Variants in MYBPC1 observed in about 807,000 individuals in gnomAD.
MYBPC1 encodes the protein myosin binding protein C1, also known as myosin-binding protein C, slow-type.
Under a neutral mutation model 147.1 loss-of-function variants are expected in MYBPC1, and 52 were observed. The observed-to-expected ratio is 0.35, with a 90% CI of 0.28 to 0.45. MYBPC1 has a LOEUF of 0.45. Among genes scored for constraint, MYBPC1 ranks in the 20% least tolerant of loss-of-function variants. MYBPC1 has a pLI of 1.00. For missense variants in MYBPC1, 1,228 were observed against 1,440.3 expected, an observed-to-expected ratio of 0.85 and a Z score of 2.39; for synonymous variants, 477 against 475.9, an observed-to-expected ratio of 1.00 and a Z score of -0.03.
Position 101,614,532 on chromosome 12 carries a change from G to A in MYBPC1, c.61+1G>A, listed in dbSNP as rs770785373. The A allele has an allele frequency of 3.7e-6, 6 of 1,613,584 alleles. No homozygotes were observed. The highest frequency in any genetic ancestry group is 3.4e-6 in the Non-Finnish European group (4 of 1,179,866). ...CCAGCCCCAGCCCCACCCCCGGAAGGTGAGTAAAAACACTCACTCACACAC... is the reference window on the plus strand; with the variant it reads ...CCAGCCCCAGCCCCACCCCCGGAAGATGAGTAAAAACACTCACTCACACAC... On this transcript the variant is annotated splice_donor_variant, in intron 2 of 31. Transcript: ENST00000361466. LOFTEE classifies it high-confidence loss of function.
rs1594082634 is a variant in MYBPC1, at chr12:101,680,231, A to T, written c.3247-112A>T. 26 of 1,022,434 alleles carry T rather than the reference A, an allele frequency of 2.5e-5. No individual in the cohort carries two copies. In the East Asian group the frequency reaches 5.7e-4, roughly 22 times the overall value. The allele number at this position is 1,022,434 out of a possible 1,614,324, so 63.3% of individuals were successfully genotyped here. ...TCAAGTAAAAGTCTATCCTTCTCAG[A>T]TGCACTTTCTTTTTAAGCCATGCTT... On this transcript the variant is annotated intron_variant, in intron 28 of 31. Coordinates refer to ENST00000361466, the MANE Select transcript of MYBPC1 (RefSeq NM_002465.4).
intron 1 of MYBPC1, among the ~76,000 whole-genome samples, chr12:101,609,470 A>G (rs1883487357): frequency 6.6e-6 from 1 of 151,712 alleles, no homozygotes; most frequent in Non-Finnish European, 1.5e-5. Flanking sequence ...TTTTATGAAG[A>G]CAGGATTTCA....
intron 29 of MYBPC1, among the ~76,000 whole-genome samples, chr12:101,680,949 T>C (rs1472223895): frequency 1.3e-5 from 2 of 152,210 alleles, no homozygotes; most frequent in African/African-American, 4.8e-5. Context: ...TTTAATTAGT[T>C]TACTATTTTG....
chr12:101,654,460 A>G (rs1895161229), intron 18 of MYBPC1, among the ~76,000 whole-genome samples: 4 of 152,208 alleles, frequency 2.6e-5, no homozygotes, highest in Admixed American at 2.6e-4. Flanking sequence ...ATAAAAGAGT[A>G]TCCAGGCAGT....
intron 3 of MYBPC1, among the ~76,000 whole-genome samples, chr12:101,617,612 T>G (rs937858915): frequency 6.6e-6 from 1 of 152,106 alleles, no homozygotes; most frequent in Non-Finnish European, 1.5e-5. Flanking sequence ...AAATTAAATG[T>G]TTTCATGTTA....
At chr12:101,605,907 G>A (rs1046902142) in intron 1 of MYBPC1, among the ~76,000 whole-genome samples, 7 of 151,460 alleles carry the variant, frequency 4.6e-5, no homozygotes, top group Admixed American at 2.0e-4. Flanking sequence ...TAAAATACAA[G>A]AATACAGCCA....
intron 1 of MYBPC1, among the ~76,000 whole-genome samples, chr12:101,602,916 C>T (rs556296621): frequency 5.9e-5 from 9 of 152,268 alleles, no homozygotes; most frequent in South Asian, 2.1e-4. Context: ...AAGGTGATAA[C>T]GGTTGGGTTG....
intron 7 of MYBPC1, 74 bp downstream of exon 7, chr12:101,631,793 G>C: frequency 6.2e-7 from 1 of 1,601,514 alleles, no homozygotes; most frequent in Non-Finnish European, 8.5e-7. Context: ...TTATTTTCAG[G>C]TTCAGCTTTG....
At chr12:101,612,213 C>T (rs1884562733) in intron 1 of MYBPC1, among the ~76,000 whole-genome samples, 1 of 152,084 alleles carries the variant, frequency 6.6e-6, no homozygotes, top group Non-Finnish European at 1.5e-5. Flanking sequence ...GCAGGAACTA[C>T]CCTATGCATC....
chr12:101,633,426 C>T lies in MYBPC1; in HGVS notation c.557-1128C>T, dbSNP rs373226432. ...TGAGCTGGCCAGGCACGGTGGTTCA[C>T]GCCTGTAACCCTAGCACTTTGGGAG... is the stretch of plus-strand genomic sequence containing the variant. On this transcript the variant is annotated intron_variant, in intron 8 of 31. Coordinates refer to ENST00000361466, the MANE Select transcript of MYBPC1 (RefSeq NM_002465.4). 3.0e-4 allele frequency among the ~76,000 whole-genome samples: 45 copies of T among 152,224 alleles called. No individual in the cohort carries two copies. In the East Asian group the frequency reaches 4.9e-3, roughly 16 times the overall value.
intron 3 of MYBPC1, 141 bp from the exon 4 acceptor site, chr12:101,626,731 G>T: frequency 1.6e-5 from 12 of 750,546 alleles, no homozygotes; most frequent in South Asian, 6.2e-5. Context: ...CACTTTTCAG[G>T]TACCAAGTTT....
In MYBPC1 at chr12:101,685,706, C is replaced by G. The variant is rs886048836; in HGVS notation, c.*144C>G. The G allele has an allele frequency of 7.0e-6, 10 of 1,431,358 alleles. No individual in the cohort carries two copies. The highest frequency in any genetic ancestry group is 5.7e-6 in the Non-Finnish European group (6 of 1,054,952). 88.7% of individuals were successfully genotyped at this position (1,431,358 alleles called of 1,614,324 possible). ...GAGGGAGGGCCTGGCTACTGTCTCTCTGCACTCTGCTGCTTTGAAATCTGG... is the reference window on the plus strand; with the variant it reads ...GAGGGAGGGCCTGGCTACTGTCTCTGTGCACTCTGCTGCTTTGAAATCTGG... On this transcript the variant is annotated 3_prime_UTR_variant, in exon 32 of 32. Transcript: ENST00000361466.
intron 22 of MYBPC1, among the ~76,000 whole-genome samples, chr12:101,666,951 A>C (rs963615178): frequency 6.6e-6 from 1 of 151,410 alleles, no homozygotes; most frequent in African/African-American, 2.4e-5. Flanking sequence ...ACATCCTTAG[A>C]GATGGGGGAG....
chr12:101,673,702 G>A, intron 25 of MYBPC1, 80 bp downstream of exon 25: 2 of 1,493,126 alleles, frequency 1.3e-6, no homozygotes, highest in East Asian at 2.3e-5. Context: ...GGCAAGAGCA[G>A]GAGTTTTGTT....
intron 1 of MYBPC1, among the ~76,000 whole-genome samples, chr12:101,603,414 T>A (rs1278243983): frequency 6.6e-6 from 1 of 151,990 alleles, no homozygotes; most frequent in Non-Finnish European, 1.5e-5. Context: ...TCTTCCTCAG[T>A]CTGCGCTTTC....
At chr12:101,610,350 C>T (rs1455592584) in intron 1 of MYBPC1, among the ~76,000 whole-genome samples, 1 of 152,178 alleles carries the variant, frequency 6.6e-6, no homozygotes, top group Non-Finnish European at 1.5e-5. Context: ...CTACTATTCC[C>T]ACTTTACAGT....
intron 6 of MYBPC1, among the ~76,000 whole-genome samples, 194 bp from the exon 7 acceptor site, chr12:101,631,377 C>T (rs1321682637): frequency 6.6e-6 from 1 of 152,146 alleles, no homozygotes; most frequent in Non-Finnish European, 1.5e-5. Flanking sequence ...TAAACCCCCA[C>T]AGCAGAACAA....
At chr12:101,675,036 G>C (rs1057307865) in intron 25 of MYBPC1, among the ~76,000 whole-genome samples, 1 of 151,390 alleles carries the variant, frequency 6.6e-6, no homozygotes, top group African/African-American at 2.4e-5. Context: ...TTTAAACTAA[G>C]CACTCTTTCC....
intron 5 of MYBPC1, chr12:101,629,044 T>A (rs1317563395): frequency 3.2e-6 from 1 of 310,948 alleles, no homozygotes; most frequent in East Asian, 7.9e-5. Context: ...TGTATCGATG[T>A]GGCCTTATAG....
Sources: gnomAD v4.1 joint callset for allele counts (sites outside exome capture counted in the v4.1 genomes callset) on GRCh38, gnomAD v4.1.1 for gene constraint, MANE v1.5 for transcripts, NCBI Gene and HGNC (gene_info 2026-07-23, HGNC 2026-07-21) for gene names.